Variants in TNPO3 observed in about 807,000 individuals in gnomAD.
The protein encoded by TNPO3 is transportin 3, also known as transportin-3.
A neutral mutation model predicts 122.8 loss-of-function variants in TNPO3; 65 were observed. That is an observed-to-expected ratio of 0.53 (90% CI 0.43 to 0.65). The LOEUF (loss-of-function observed/expected upper bound fraction) is 0.65, where lower values mean the gene tolerates loss of function less well. TNPO3 is among the 30% of genes least tolerant of loss of function. TNPO3 has a pLI of 0.00. For synonymous variants in TNPO3, 372 were observed against 411.2 expected, an observed-to-expected ratio of 0.90 and a Z score of 1.15; for missense variants, 850 against 1,136.7, an observed-to-expected ratio of 0.75 and a Z score of 3.63.
Position 129,054,634 on chromosome 7 carries a change from C to T in TNPO3, c.120+17G>A, listed in dbSNP as rs750984647. 6.2e-7 allele frequency: 1 copy of T among 1,613,022 alleles called. No individual in the cohort carries two copies. The highest frequency in any genetic ancestry group is 2.2e-5 in the East Asian group (1 of 44,876). ...CCCCGGCCGTGCGGCACAGAACTGC[C>T]TCTCTGGGCCCCTCACCGAACGCTG... On this transcript the variant is annotated intron_variant, in intron 1 of 22. Coordinates refer to ENST00000265388, the MANE Select transcript of TNPO3 (RefSeq NM_012470.4).
At chr7:128,958,394 C>G (rs529014356) in intron 21 of TNPO3, among the ~76,000 whole-genome samples, 2 of 152,078 alleles carry the variant, frequency 1.3e-5, no homozygotes, top group South Asian at 2.1e-4. Context: ...CCGCCCGCCT[C>G]GGCCTCACAA....
chr7:129,045,982 G>C (rs1193779242), intron 1 of TNPO3, among the ~76,000 whole-genome samples: 1 of 152,022 alleles, frequency 6.6e-6, no homozygotes, highest in African/African-American at 2.4e-5. Flanking sequence ...GGTGGATCAC[G>C]AGATCAGGAG....
chr7:129,002,444 C>T (rs948500219), intron 5 of TNPO3, among the ~76,000 whole-genome samples: 2 of 152,150 alleles, frequency 1.3e-5, no homozygotes, highest in Non-Finnish European at 2.9e-5. Flanking sequence ...GTTGAATACA[C>T]TTAGTAAGGG....
chr7:128,973,768 C>CAAA (rs1798747193), intron 18 of TNPO3, among the ~76,000 whole-genome samples: 1 of 25,256 alleles, frequency 4.0e-5, no homozygotes, highest in Non-Finnish European at 7.8e-5. Flanking sequence ...AAAAAGAAAA[C>CAAA]AGAGGGTGAC....
chr7:128,978,465 C>A (rs749436423), intron 16 of TNPO3, among the ~76,000 whole-genome samples: 11 of 152,296 alleles, frequency 7.2e-5, no homozygotes, highest in African/African-American at 2.6e-4. Flanking sequence ...ATTCGCTTCA[C>A]AGAATTTCAC....
In TNPO3 at chr7:128,966,129, CAAGTT is replaced by C. The variant is rs566572123; in HGVS notation, c.2711+1146_2711+1150del. ...AAATTTTCAAATTATTTTAAAAGCT[CAAGTT>C]AGGTTATGTAATACTGTTATTTTAA... On this transcript the variant is annotated intron_variant, in intron 21 of 22. Transcript: ENST00000265388. 1.5e-4 allele frequency among the ~76,000 whole-genome samples: 23 copies of C among 152,210 alleles called. 1 individual carries two copies. The South Asian group carries it at 4.6e-3, about 30-fold the overall frequency.
At chr7:129,002,702 AG>A (rs1802075454) in intron 5 of TNPO3, among the ~76,000 whole-genome samples, 1 of 152,102 alleles carries the variant, frequency 6.6e-6, no homozygotes, top group Non-Finnish European at 1.5e-5. Context: ...GCAGATCACA[AG>A]GTCAGGAGAT....
intron 1 of TNPO3, among the ~76,000 whole-genome samples, chr7:129,048,562 G>T (rs1563114484): frequency 6.6e-6 from 1 of 151,304 alleles, no homozygotes. Flanking sequence ...GCCTTATTGA[G>T]TCAAAAAGTT....
intron 21 of TNPO3, among the ~76,000 whole-genome samples, chr7:128,961,326 A>G (rs1162685563): frequency 6.6e-6 from 1 of 152,022 alleles, no homozygotes; most frequent in Non-Finnish European, 1.5e-5. Context: ...ATGTTTGGAT[A>G]TACAAATTCT....
At chr7:129,021,793 T>G (rs932095032) in intron 1 of TNPO3, among the ~76,000 whole-genome samples, 3 of 151,920 alleles carry the variant, frequency 2.0e-5, no homozygotes, top group African/African-American at 7.3e-5. Context: ...AGAATAGAAT[T>G]GAGAAGGAAC....
chr7:128,961,548 T>A (rs1056328863), intron 21 of TNPO3, among the ~76,000 whole-genome samples: 3 of 152,130 alleles, frequency 2.0e-5, no homozygotes, highest in Non-Finnish European at 4.4e-5. Flanking sequence ...AAGTAACACA[T>A]GACTGTATTT....
chr7:128,959,687 A>G (rs1489382764), intron 21 of TNPO3, among the ~76,000 whole-genome samples: 1 of 152,164 alleles, frequency 6.6e-6, no homozygotes, highest in African/African-American at 2.4e-5. Flanking sequence ...CAAATGTTTA[A>G]CTGAAGTGTC....
intron 1 of TNPO3, 134 bp from the exon 2 acceptor site, chr7:129,018,291 G>A (rs1290779903): frequency 2.4e-6 from 2 of 834,808 alleles, no homozygotes; most frequent in African/African-American, 1.7e-5. Flanking sequence ...AAATTACCCA[G>A]TAATTCAGCC....
chr7:129,030,209 TC>T, intron 1 of TNPO3: 1 of 190,170 alleles, frequency 5.3e-6, no homozygotes, highest in Admixed American at 5.5e-5. Context: ...GTATTATTCA[TC>T]CAGTATATGG....
In TNPO3 at chr7:129,055,031, G is replaced by T. The variant is rs545786801; in HGVS notation, c.-261C>A. 4 of 453,896 alleles carry T rather than the reference G, an allele frequency of 8.8e-6. No individual in the cohort carries two copies. Among genetic ancestry groups the T allele is most frequent in the Non-Finnish European group, 1.6e-5 (4 of 246,456 alleles). The allele number at this position is 453,896 out of a possible 1,614,324, so 28.1% of individuals were successfully genotyped here. ...CTAGACTCTTGAGTCCACAGATTCT[G>T]GCGCTCCCGTCTTCAGTCGCTGACT... On this transcript the variant is annotated 5_prime_UTR_variant, in exon 1 of 23. Transcript: ENST00000265388.
Position 128,989,952 on chromosome 7 carries a change from T to C in TNPO3, c.1498+9A>G. On this transcript the variant is annotated intron_variant, in intron 11 of 22. Coordinates refer to ENST00000265388, the MANE Select transcript of TNPO3 (RefSeq NM_012470.4). ...GTTAGAAGTGGCAGAGGAGAGAGATTACACATACCAAGGAACTGAGGATTT... is the reference window on the plus strand; with the variant it reads ...GTTAGAAGTGGCAGAGGAGAGAGATCACACATACCAAGGAACTGAGGATTT... The C allele has an allele frequency of 6.2e-7, 1 of 1,612,434 alleles. No homozygotes were observed. Among genetic ancestry groups the C allele is most frequent in the Non-Finnish European group, 8.5e-7 (1 of 1,178,436 alleles).
At chr7:128,994,498 T>C (rs1462981223) in intron 8 of TNPO3, among the ~76,000 whole-genome samples, 1 of 151,784 alleles carries the variant, frequency 6.6e-6, no homozygotes, top group Non-Finnish European at 1.5e-5. Context: ...GTTGGAAAAA[T>C]GTGGCTTGGG....
intron 4 of TNPO3, among the ~76,000 whole-genome samples, chr7:129,010,567 T>G (rs1310662279): frequency 6.6e-6 from 1 of 152,150 alleles, no homozygotes; most frequent in African/African-American, 2.4e-5. Flanking sequence ...ACTAACAAGC[T>G]ACCATCACAC....
intron 4 of TNPO3, 118 bp from the exon 5 acceptor site, chr7:129,005,277 A>C: frequency 9.8e-7 from 1 of 1,019,114 alleles, no homozygotes; most frequent in Non-Finnish European, 1.4e-6. Context: ...CAACGGTTAA[A>C]AGTGCTTTTT....
Sources: gnomAD v4.1 joint callset for allele counts (sites outside exome capture counted in the v4.1 genomes callset) on GRCh38, gnomAD v4.1.1 for gene constraint, MANE v1.5 for transcripts, NCBI Gene and HGNC (gene_info 2026-07-23, HGNC 2026-07-21) for gene names.